Variants in CSNK1G3 observed in about 807,000 individuals in gnomAD.
CSNK1G3 encodes the protein casein kinase I isoform gamma-3.
Under a neutral mutation model 64.3 loss-of-function variants are expected in CSNK1G3, and 23 were observed. The ratio of observed to expected loss-of-function variants is 0.36; its 90% CI spans 0.26 to 0.51. The LOEUF is 0.51. Among genes scored for constraint, CSNK1G3 ranks in the 20% least tolerant of loss-of-function variants. The pLI, the probability that CSNK1G3 is intolerant of heterozygous loss-of-function variation, is 0.96. For missense variants in CSNK1G3, 357 were observed against 510.5 expected (o/e 0.70, Z 2.90); for synonymous variants, 158 against 162.2 (o/e 0.97, Z 0.20).
chr5:123,599,218 T>C (rs1429290952), intron 10 of CSNK1G3, among the ~76,000 whole-genome samples: 1 of 152,190 alleles, frequency 6.6e-6, no homozygotes, highest in East Asian at 1.9e-4. Flanking sequence ...AAAACTATTT[T>C]ACATGGTTGT....
intron 4 of CSNK1G3, among the ~76,000 whole-genome samples, chr5:123,568,433 T>C (rs1484191555): frequency 6.6e-6 from 1 of 152,202 alleles, no homozygotes; most frequent in Non-Finnish European, 1.5e-5. Flanking sequence ...GAGAAATGGT[T>C]CATTGTTGTT....
intron 1 of CSNK1G3, among the ~76,000 whole-genome samples, chr5:123,536,925 GAC>G (rs1780929696): frequency 6.6e-6 from 1 of 151,970 alleles, no homozygotes; most frequent in South Asian, 2.1e-4. Context: ...TTACTAAAAA[GAC>G]AAAAAATCAC....
intron 1 of CSNK1G3, among the ~76,000 whole-genome samples, chr5:123,532,133 A>G (rs1316102192): frequency 2.0e-5 from 3 of 151,856 alleles, no homozygotes; most frequent in Non-Finnish European, 3.0e-5. Flanking sequence ...AGCAACGGGT[A>G]TAATTTTAAT....
intron 10 of CSNK1G3, 47 bp downstream of exon 11, chr5:123,595,181 A>G (rs752143081): frequency 2.6e-6 from 4 of 1,547,012 alleles, no homozygotes; most frequent in Non-Finnish European, 3.6e-6. Flanking sequence ...GATTTATACA[A>G]CTAACCCTTT....
At chr5:123,593,128 C>T (rs1792719766) in intron 10 of CSNK1G3, among the ~76,000 whole-genome samples, 2 of 151,510 alleles carry the variant, frequency 1.3e-5, no homozygotes, top group South Asian at 2.1e-4. Flanking sequence ...AGAGTATAAG[C>T]TCACTGAGGG....
intron 10 of CSNK1G3, among the ~76,000 whole-genome samples, chr5:123,601,166 A>T (rs1794428438): frequency 6.6e-6 from 1 of 152,154 alleles, no homozygotes; most frequent in Non-Finnish European, 1.5e-5. Flanking sequence ...TATTCTTTAG[A>T]ATTTGGCTTA....
chr5:123,568,906 A>G (rs1219536477), intron 4 of CSNK1G3, among the ~76,000 whole-genome samples: 1 of 152,236 alleles, frequency 6.6e-6, no homozygotes, highest in African/African-American at 2.4e-5. Context: ...ACAGCAAGTA[A>G]TAAGTCATTA....
intron 3 of CSNK1G3, among the ~76,000 whole-genome samples, chr5:123,553,444 G>C (rs1309924114): frequency 6.6e-6 from 1 of 152,146 alleles, no homozygotes; most frequent in East Asian, 1.9e-4. Context: ...TTTTTAATTA[G>C]ATAAAAATTA....
chr5:123,582,325 C>G (rs1034977432), intron 6 of CSNK1G3, among the ~76,000 whole-genome samples: 30 of 152,186 alleles, frequency 2.0e-4, no homozygotes, highest in Admixed American at 1.2e-3. Context: ...GACAAGTGGG[C>G]TGAAATCTTG....
chr5:123,556,313 G>T (rs529372739), intron 3 of CSNK1G3, among the ~76,000 whole-genome samples: 1 of 151,982 alleles, frequency 6.6e-6, no homozygotes, highest in African/African-American at 2.4e-5. Flanking sequence ...GAATTGGTGG[G>T]TTGTTAACCT....
chr5:123,605,583 A>G (rs1795221111), intron 12 of CSNK1G3, among the ~76,000 whole-genome samples: 1 of 152,134 alleles, frequency 6.6e-6, no homozygotes, highest in African/African-American at 2.4e-5. Context: ...TTTAAGTGAC[A>G]TAGATTTGGG....
chr5:123,512,984 A>G (rs550986148), intron 1 of CSNK1G3, among the ~76,000 whole-genome samples: 21 of 151,988 alleles, frequency 1.4e-4, no homozygotes, highest in African/African-American at 5.1e-4. Context: ...TGTCCAGACA[A>G]TTACCTTTGG....
chr5:123,573,544 A>C lies in CSNK1G3; in HGVS notation c.438+3A>C. On this transcript the variant is annotated splice_donor_region_variant and intron_variant, in intron 5 of 12. Coordinates refer to ENST00000345990, the Ensembl canonical transcript of CSNK1G3. ...TTCTCATGATAGCTATACAACTGGT[A>C]AGTAAAATAAGGTATTTGAAGTTGT... 6.3e-7 allele frequency: 1 copy of C among 1,587,536 alleles called. No individual in the cohort carries two copies. The highest frequency in any genetic ancestry group is 8.5e-7 in the Non-Finnish European group (1 of 1,171,178).
intron 10 of CSNK1G3, among the ~76,000 whole-genome samples, chr5:123,596,658 A>T (rs887554829): frequency 1.3e-5 from 2 of 152,052 alleles, no homozygotes; most frequent in African/African-American, 4.8e-5. Context: ...TTTCACAGAG[A>T]TGTTTGAACA....
chr5:123,568,249 G>C (rs1376608152), intron 4 of CSNK1G3, among the ~76,000 whole-genome samples: 1 of 152,148 alleles, frequency 6.6e-6, no homozygotes, highest in East Asian at 1.9e-4. Flanking sequence ...CTGGGATTCA[G>C]AAAGCTGCAG....
intron 4 of CSNK1G3, among the ~76,000 whole-genome samples, chr5:123,566,821 G>T (rs981147764): frequency 2.0e-5 from 3 of 150,970 alleles, no homozygotes; most frequent in East Asian, 3.9e-4. Flanking sequence ...GCATATGTTC[G>T]TAATAAAAAT....
chr5:123,553,536 A>G (rs1418348902), intron 3 of CSNK1G3, among the ~76,000 whole-genome samples: 1 of 152,218 alleles, frequency 6.6e-6, no homozygotes, highest in Non-Finnish European at 1.5e-5. Context: ...TTGAAAACAT[A>G]CTTCCAGGTA....
intron 1 of CSNK1G3, among the ~76,000 whole-genome samples, chr5:123,523,010 A>C (rs1326390159): frequency 6.6e-6 from 1 of 152,192 alleles, no homozygotes; most frequent in African/African-American, 2.4e-5. Flanking sequence ...AAATTATAAG[A>C]GGGGAAGAAG....
intron 4 of CSNK1G3, among the ~76,000 whole-genome samples, chr5:123,572,016 TTAC>T (rs1238724134): frequency 6.6e-6 from 1 of 152,028 alleles, no homozygotes; most frequent in East Asian, 1.9e-4. Context: ...TTTGAGAGAG[TTAC>T]CCTTGGCTAC....
Sources: allele counts gnomAD v4.1 joint callset (sites outside exome capture counted in the v4.1 genomes callset), GRCh38; gene constraint gnomAD v4.1.1; transcripts MANE v1.5; gene names NCBI Gene and HGNC (gene_info 2026-07-23, HGNC 2026-07-21).